Variants in IFT52 observed in about 807,000 individuals in gnomAD.
The protein encoded by IFT52 is intraflagellar transport 52, also known as intraflagellar transport protein 52 homolog.
In IFT52, 44 loss-of-function variants were observed where a neutral mutation model predicts 54.4. That is an observed-to-expected ratio of 0.81 (90% CI 0.63 to 1.04). The LOEUF is 1.04. IFT52 is among the 50% of genes least tolerant of loss of function. IFT52 has a pLI of 0.00. For missense variants in IFT52, 452 were observed against 523.6 expected, an observed-to-expected ratio of 0.86 and a Z score of 1.33; for synonymous variants, 181 against 185.3, an observed-to-expected ratio of 0.98 and a Z score of 0.19.
intron 10 of IFT52, among the ~76,000 whole-genome samples, chr20:43,632,011 C>T (rs1189623709): frequency 5.9e-5 from 9 of 151,822 alleles, no homozygotes; most frequent in African/African-American, 2.4e-5. Flanking sequence ...CCACAACCTC[C>T]GCCTCCTGGG....
intron 5 of IFT52, among the ~76,000 whole-genome samples, chr20:43,604,671 C>G (rs1259117720): frequency 2.0e-5 from 3 of 151,946 alleles, no homozygotes; most frequent in African/African-American, 4.8e-5. Context: ...TTTCACTGCC[C>G]TTTCTTCTTT....
In IFT52 at chr20:43,607,275, C is replaced by T. The variant is rs1363876117; in HGVS notation, c.485+2202C>T. 1.3e-5 allele frequency among the ~76,000 whole-genome samples: 2 copies of T among 151,358 alleles called. 1 individual carries two copies. Among genetic ancestry groups the T allele is most frequent in the African/African-American group, 4.9e-5 (2 of 41,126 alleles). On this transcript the variant is annotated intron_variant, in intron 6 of 13. Coordinates refer to ENST00000373030, the MANE Select transcript of IFT52 (RefSeq NM_016004.5). ...CCGGGCGGGGGGCTGACCCCCCCAC[C>T]TCCCTCCCGGACGGGGCGGCTGGCC...
chr20:43,642,716 C>T, intron 13 of IFT52, 92 bp downstream of exon 13: 1 of 1,290,596 alleles, frequency 7.7e-7, no homozygotes, highest in African/African-American at 1.5e-5. Flanking sequence ...GACGTTGATT[C>T]AGCCTGTAAA....
At position 43,624,325 on chromosome 20, in the gene IFT52, G is replaced by C. The variant is rs553579518; in HGVS notation, c.923+280G>C. On this transcript the variant is annotated intron_variant, in intron 10 of 13. Transcript: ENST00000373030. ...GCCCCAGACTTCTGGTTTTAGCACA[G>C]AGAGTCCCAAGTCCCAGGAAAATGG... Among the ~76,000 whole-genome samples the C allele has an allele frequency of 3.9e-5, 6 of 152,280 alleles. No homozygotes were observed. In the South Asian group the frequency reaches 1.2e-3, roughly 32 times the overall value.
chr20:43,636,111 T>A (rs1985523683), intron 11 of IFT52, 98 bp downstream of exon 11: 2 of 1,109,204 alleles, frequency 1.8e-6, no homozygotes, highest in Non-Finnish European at 2.7e-6. Context: ...GTGCCATTTG[T>A]GGCACTCCTT....
At chr20:43,621,756 C>T (rs1326483454) in intron 9 of IFT52, among the ~76,000 whole-genome samples, 1 of 152,208 alleles carries the variant, frequency 6.6e-6, no homozygotes, top group Non-Finnish European at 1.5e-5. Flanking sequence ...AGCCACTGGG[C>T]CCAGCCTTCT....
chr20:43,596,931 TG>T lies in IFT52; in HGVS notation c.207+413del, dbSNP rs773538504. ...CTAATTTTTGTATTTTTGGTGCAGA[TG>T]GGGTCTCACCATATTGGCCAGGCTG... On this transcript the variant is annotated intron_variant, in intron 3 of 13. Coordinates refer to ENST00000373030, the MANE Select transcript of IFT52 (RefSeq NM_016004.5). Among the ~76,000 whole-genome samples the T allele has an allele frequency of 3.7e-4, 56 of 151,524 alleles. 1 individual carries two copies. The highest frequency in any genetic ancestry group is 2.0e-3 in the Admixed American group (30 of 15,238).
At chr20:43,635,024 T>G (rs1274582632) in intron 10 of IFT52, among the ~76,000 whole-genome samples, 1 of 151,870 alleles carries the variant, frequency 6.6e-6, no homozygotes, top group Non-Finnish European at 1.5e-5. Flanking sequence ...AAAAATTAGC[T>G]GGGTGTGGTG....
chr20:43,641,217 T>TGG (rs1385663258), intron 12 of IFT52, among the ~76,000 whole-genome samples: 2 of 146,212 alleles, frequency 1.4e-5, no homozygotes, highest in Non-Finnish European at 3.1e-5. Flanking sequence ...TTTTGGGGTT[T>TGG]TGTTTTGTTT....
chr20:43,602,778 T>C (rs1157959826), intron 3 of IFT52, among the ~76,000 whole-genome samples: 1 of 152,210 alleles, frequency 6.6e-6, no homozygotes, highest in East Asian at 1.9e-4. Context: ...TGAAGATTCA[T>C]TTGTTTTATA....
intron 9 of IFT52, among the ~76,000 whole-genome samples, chr20:43,622,165 G>C (rs1358840352): frequency 1.3e-5 from 2 of 152,212 alleles, no homozygotes; most frequent in East Asian, 3.8e-4. Context: ...TCCACTGACT[G>C]CTTCCTCCCT....
At chr20:43,616,525 A>AG (rs1983869784) in intron 7 of IFT52, among the ~76,000 whole-genome samples, 1 of 151,778 alleles carries the variant, frequency 6.6e-6, no homozygotes, top group Admixed American at 6.6e-5. Flanking sequence ...AAAAAAAAAA[A>AG]AGTAATATTG....
At chr20:43,603,357 G>C (rs974476702) in intron 3 of IFT52, among the ~76,000 whole-genome samples, 1 of 152,152 alleles carries the variant, frequency 6.6e-6, no homozygotes, top group African/African-American at 2.4e-5. Flanking sequence ...TTAACTAGGG[G>C]TGATTCTATT....
At chr20:43,620,224 C>T (rs905703234) in intron 8 of IFT52, among the ~76,000 whole-genome samples, 3 of 152,038 alleles carry the variant, frequency 2.0e-5, no homozygotes, top group Admixed American at 2.0e-4. Context: ...CCTAGGTATT[C>T]TTCTTTTCAA....
chr20:43,604,480 G>A (rs1982703111), intron 5 of IFT52, among the ~76,000 whole-genome samples: 2 of 152,074 alleles, frequency 1.3e-5, no homozygotes, highest in South Asian at 4.1e-4. Flanking sequence ...GGAGGCTGAG[G>A]CAGGAGAATC....
chr20:43,624,044 G>T lies in IFT52; in HGVS notation c.922G>T (p.Glu308Ter), dbSNP rs531780372. ...LDTTSFHSVI[E>*]AHEQLNVKHE... ...TACCACCTCCTTCCACAGCGTCATC[G>T]AGTCAGTACCTGTGGGCCTCTGAGC... Residue 308 changes from glutamate to a stop codon, truncating the protein, a stop_gained and splice_region_variant, in exon 10 of 14, where the codon GAG becomes TAG. Coordinates refer to ENST00000373030, the MANE Select transcript of IFT52 (RefSeq NM_016004.5). LOFTEE classifies it high-confidence loss of function. The T allele has an allele frequency of 1.2e-6, 2 of 1,613,898 alleles. No homozygotes were observed. Among genetic ancestry groups the T allele is most frequent in the Non-Finnish European group, 1.7e-6 (2 of 1,179,928 alleles).
At chr20:43,616,508 C>G (rs1010679720) in intron 7 of IFT52, among the ~76,000 whole-genome samples, 4 of 133,750 alleles carry the variant, frequency 3.0e-5, no homozygotes, top group African/African-American at 8.4e-5. Flanking sequence ...GACACTGTCT[C>G]CAAAAAAAAA....
intron 3 of IFT52, among the ~76,000 whole-genome samples, chr20:43,599,158 C>T (rs1026575439): frequency 2.0e-5 from 3 of 152,310 alleles, no homozygotes; most frequent in South Asian, 2.1e-4. Context: ...GGGATATGTA[C>T]ACACAGAGGG....
At chr20:43,597,915 C>G (rs1001221743) in intron 3 of IFT52, among the ~76,000 whole-genome samples, 2 of 142,830 alleles carry the variant, frequency 1.4e-5, no homozygotes, top group African/African-American at 5.1e-5. Flanking sequence ...AAAAAAACTG[C>G]CATATGATCT....
Sources: allele counts gnomAD v4.1 joint callset (sites outside exome capture counted in the v4.1 genomes callset), GRCh38; gene constraint gnomAD v4.1.1; transcripts MANE v1.5; gene names NCBI Gene and HGNC (gene_info 2026-07-23, HGNC 2026-07-21).